CPLANE1: variants seen among roughly 807,000 people sequenced by gnomAD.
CPLANE1 encodes the protein ciliogenesis and planar polarity effector 1.
A neutral mutation model predicts 362.5 loss-of-function variants in CPLANE1; 263 were observed. The observed-to-expected ratio is 0.73, with a 90% CI of 0.66 to 0.80. The LOEUF (loss-of-function observed/expected upper bound fraction) is 0.80. Ranked by LOEUF, CPLANE1 falls within the 30% of genes least tolerant of loss-of-function variation. The pLI is 0.00. For synonymous variants in CPLANE1, 1,212 were observed against 1,302.6 expected (o/e 0.93, Z 1.50); for missense variants, 3,461 against 3,793.4 (o/e 0.91, Z 2.30).
At chr5:37,193,794 A>G (rs1440924103) in intron 21 of CPLANE1, among the ~76,000 whole-genome samples, 11 of 152,126 alleles carry the variant, frequency 7.2e-5, no homozygotes, top group African/African-American at 2.2e-4. Flanking sequence ...GCTGGAGATC[A>G]GTAGCAAGAT....
At position 37,157,376 on chromosome 5, in the gene CPLANE1, T is replaced by C. The variant is rs754733552; in HGVS notation, c.8056A>G (p.Ile2686Val). The C allele has an allele frequency of 2.4e-5, 34 of 1,413,382 alleles. No individual in the cohort carries two copies. Among genetic ancestry groups the C allele is most frequent in the Non-Finnish European group, 3.0e-5 (32 of 1,062,258 alleles). The allele number at this position is 1,413,382 out of a possible 1,614,324, so 87.6% of individuals were successfully genotyped here. ...CLDGKSLRAGITEVKEPSVTS... is the reference protein window; with the variant it reads ...CLDGKSLRAGVTEVKEPSVTS... ...ACACTAGGCTCCTTCACTTCTGTAA[T>C]GCCTGCTCTCAAGCTTTTTCCATCC... is the stretch of plus-strand genomic sequence containing the variant. The change falls in exon 41 of 53, where the codon ATT becomes GTT. Residue 2686 changes from isoleucine (I) to valine (V), a missense_variant. By Grantham distance (29) the Ile-to-Val change is conservative. Coordinates refer to ENST00000651892, the MANE Select transcript of CPLANE1 (RefSeq NM_001384732.1).
At chr5:37,083,688 G>T in the CPLANE1 span, among the ~76,000 whole-genome samples, 1 of 152,146 alleles carries the variant, frequency 6.6e-6, no homozygotes, top group Non-Finnish European at 1.5e-5. Context: ...TTCAGAGCTC[G>T]AAGGCAATGT....
Position 37,147,626 on chromosome 5 carries a change from G to C in CPLANE1, c.8461+555C>G, listed in dbSNP as rs191165848. Among the ~76,000 whole-genome samples, 38 of 152,122 alleles carry C rather than the reference G, an allele frequency of 2.5e-4. 1 individual carries two copies. The highest frequency in any genetic ancestry group is 8.9e-4 in the African/African-American group (37 of 41,506). Reference sequence around the variant, plus strand: ...ATGAAAAAGGAAACTGAGAAACAAAGAGAATTAACAAACACTGGTTTTTGA... The same window carrying C: ...ATGAAAAAGGAAACTGAGAAACAAACAGAATTAACAAACACTGGTTTTTGA... On this transcript the variant is annotated intron_variant, in intron 43 of 52. Transcript: ENST00000651892.
chr5:37,160,711 G>A (rs945702478), intron 38 of CPLANE1, among the ~76,000 whole-genome samples: 14 of 135,672 alleles, frequency 1.0e-4, no homozygotes, highest in South Asian at 2.3e-4. Flanking sequence ...TTGCTCTGTC[G>A]CCCAGGCTGG....
At chr5:37,208,677 C>A (rs1264024972) in intron 16 of CPLANE1, among the ~76,000 whole-genome samples, 7 of 91,648 alleles carry the variant, frequency 7.6e-5, no homozygotes, top group Admixed American at 4.6e-4. Flanking sequence ...ACTCTGTCTC[C>A]CCCCCCCCCC....
intron 1 of CPLANE1, among the ~76,000 whole-genome samples, chr5:37,248,396 C>T (rs1740560124): frequency 6.6e-6 from 1 of 152,186 alleles, no homozygotes; most frequent in African/African-American, 2.4e-5. Context: ...TCCCAAAGTG[C>T]TGGGATTACA....
the CPLANE1 span, among the ~76,000 whole-genome samples, chr5:37,087,613 C>T: frequency 1.3e-5 from 2 of 152,128 alleles, no homozygotes; most frequent in African/African-American, 4.8e-5. Flanking sequence ...CCCACCACCA[C>T]GCCCGGCTAA....
At chr5:37,092,184 G>C in the CPLANE1 span, among the ~76,000 whole-genome samples, 1 of 152,152 alleles carries the variant, frequency 6.6e-6, no homozygotes, top group African/African-American at 2.4e-5. Flanking sequence ...TAAGTGCTTG[G>C]CTAGGAGGGA....
rs776130993 is a variant in CPLANE1, at chr5:37,125,224, C to T, written c.8958+20G>A. 4.4e-6 allele frequency: 7 copies of T among 1,601,158 alleles called. No homozygotes were observed. The highest frequency in any genetic ancestry group is 1.7e-4 in the Middle Eastern group (1 of 6,032). ...TACACATATTCTGTAATTCCATTAC[C>T]CTTGACATGGCAGACTTACTGGATT... is the stretch of plus-strand genomic sequence containing the variant. On this transcript the variant is annotated intron_variant, in intron 47 of 52. Coordinates refer to ENST00000651892, the MANE Select transcript of CPLANE1 (RefSeq NM_001384732.1).
intron 46 of CPLANE1, among the ~76,000 whole-genome samples, chr5:37,134,242 A>G (rs888274043): frequency 6.6e-6 from 1 of 152,156 alleles, no homozygotes; most frequent in Non-Finnish European, 1.5e-5. Flanking sequence ...TGTCTGGCAG[A>G]ATTTGGCTGT....
chr5:37,247,838 C>T (rs1017194639), intron 1 of CPLANE1, 93 bp from the exon 2 acceptor site: 13 of 937,622 alleles, frequency 1.4e-5, no homozygotes, highest in African/African-American at 3.4e-5. Context: ...CGTTCTGTTG[C>T]CCCAGCTGGA....
chr5:37,183,103 CTA>C lies in CPLANE1; in HGVS notation c.5076_5077del (p.Lys1695MetfsTer18). ...TGATCTCTGGATTAGACATTTCTCTCTAGTGTCATCTTGTATTTTGTAAATTG... is the reference window on the plus strand; with the variant it reads ...TGATCTCTGGATTAGACATTTCTCTCGTGTCATCTTGTATTTTGTAAATTG... On this transcript the variant is annotated frameshift_variant, in exon 26 of 53. Coordinates refer to ENST00000651892, the MANE Select transcript of CPLANE1 (RefSeq NM_001384732.1). 1 of 1,613,270 alleles carries C rather than the reference CTA, an allele frequency of 6.2e-7. No individual in the cohort carries two copies. The highest frequency in any genetic ancestry group is 8.5e-7 in the Non-Finnish European group (1 of 1,179,776).
chr5:37,215,836 CTTTT>C (rs1418942650), intron 15 of CPLANE1, among the ~76,000 whole-genome samples: 1 of 81,366 alleles, frequency 1.2e-5, no homozygotes, highest in Non-Finnish European at 2.5e-5. Context: ...TTCTTTTTTT[CTTTT>C]TTGTTTTTTG....
intron 4 of CPLANE1, 71 bp from the exon 5 acceptor site, chr5:37,244,678 T>TTGGG: frequency 8.0e-6 from 7 of 872,074 alleles, no homozygotes; most frequent in Non-Finnish European, 1.2e-5. Context: ...ACATAATTTA[T>TTGGG]GTATTCTTAC....
At chr5:37,153,647 A>G in intron 42 of CPLANE1, 93 bp downstream of exon 42, 1 of 1,308,264 alleles carries the variant, frequency 7.6e-7, no homozygotes, top group South Asian at 1.4e-5. Context: ...CAAAGTTCTC[A>G]TTATTTTGAA....
chr5:37,114,352 C>A (rs1760271206), intron 51 of CPLANE1, among the ~76,000 whole-genome samples: 1 of 152,166 alleles, frequency 6.6e-6, no homozygotes, highest in Admixed American at 6.5e-5. Context: ...CATAGTAAGA[C>A]ATGGATAATA....
At chr5:37,080,979 C>T in the CPLANE1 span, among the ~76,000 whole-genome samples, 1 of 152,146 alleles carries the variant, frequency 6.6e-6, no homozygotes, top group Non-Finnish European at 1.5e-5. Flanking sequence ...AACAAGCCAA[C>T]AGAATTCACA....
rs1284112702 is a variant in CPLANE1 at position 37,168,947 on chromosome 5, A to C, written c.7077T>G (p.Leu2359=). 10 of 1,614,194 alleles carry C rather than the reference A, an allele frequency of 6.2e-6. No individual in the cohort carries two copies. Among genetic ancestry groups the C allele is most frequent in the Non-Finnish European group, 8.5e-6 (10 of 1,180,028 alleles). The change falls in exon 34 of 53, where the codon CTT becomes CTG. Residue 2359 remains leucine, a synonymous_variant. Transcript: ENST00000651892. The part of the protein sequence containing the change: ...LEISPHHSFG[L]PLLYLPLKPP... Reference sequence around the variant, plus strand: ...GTTTAAGTGGCAGGTATAGTAACGGAAGTCCAAAGGAATGGTGAGGAGATA... The same window carrying C: ...GTTTAAGTGGCAGGTATAGTAACGGCAGTCCAAAGGAATGGTGAGGAGATA...
intron 21 of CPLANE1, among the ~76,000 whole-genome samples, chr5:37,193,139 A>G (rs2151314851): frequency 6.6e-6 from 1 of 151,652 alleles, no homozygotes; most frequent in East Asian, 2.0e-4. Flanking sequence ...ACTGCACTCC[A>G]GCCTGGGCGA....
Sources: allele counts gnomAD v4.1 joint callset (sites outside exome capture counted in the v4.1 genomes callset), GRCh38; gene constraint gnomAD v4.1.1; transcripts MANE v1.5; gene names NCBI Gene and HGNC (gene_info 2026-07-23, HGNC 2026-07-21).